Variants in CDCA8 observed in about 807,000 individuals in gnomAD.
The protein encoded by CDCA8 is cell division cycle associated 8.
CDCA8 carries 25 observed loss-of-function variants against 40.0 expected under a neutral mutation model. The ratio of observed to expected loss-of-function variants is 0.63; its 90% CI spans 0.46 to 0.87. CDCA8 has a LOEUF of 0.87. CDCA8 is among the 40% of genes least tolerant of loss of function. The probability of loss-of-function intolerance (pLI) is 0.00; values close to 1 mark genes in which losing one functional copy is unlikely to be tolerated. For synonymous variants in CDCA8, 111 were observed against 126.5 expected, an observed-to-expected ratio of 0.88 and a Z score of 0.82; for missense variants, 280 against 348.4, an observed-to-expected ratio of 0.80 and a Z score of 1.56.
chr1:37,702,037 CTTT>C (rs34220599), intron 6 of CDCA8, among the ~76,000 whole-genome samples: 8 of 119,028 alleles, frequency 6.7e-5, no homozygotes, highest in Admixed American at 1.8e-4. Context: ...TCCTTCCCCA[CTTT>C]TTTTTTTTTT....
intron 6 of CDCA8, among the ~76,000 whole-genome samples, chr1:37,702,037 C>CTTTTT (rs34220599): frequency 3.4e-5 from 4 of 119,036 alleles, no homozygotes; most frequent in Non-Finnish European, 5.0e-5. Flanking sequence ...TCCTTCCCCA[C>CTTTTT]TTTTTTTTTT....
intron 8 of CDCA8, 27 bp downstream of exon 8, chr1:37,705,594 C>A: frequency 6.2e-7 from 1 of 1,610,516 alleles, no homozygotes; most frequent in South Asian, 1.1e-5. Context: ...GGAAGCCAGG[C>A]CACAGTGTGC....
chr1:37,704,599 G>A (rs1645586196), intron 7 of CDCA8, among the ~76,000 whole-genome samples: 1 of 151,470 alleles, frequency 6.6e-6, no homozygotes, highest in Non-Finnish European at 1.5e-5. Context: ...CTGGTGTGGG[G>A]AAGTGTTGAA....
intron 7 of CDCA8, among the ~76,000 whole-genome samples, chr1:37,704,731 T>G (rs1182911320): frequency 7.9e-6 from 1 of 126,550 alleles, no homozygotes; most frequent in Admixed American, 1.0e-4. Flanking sequence ...CACTGCAACC[T>G]CCACCTCTCA....
intron 7 of CDCA8, among the ~76,000 whole-genome samples, chr1:37,703,973 A>T (rs188048718): frequency 6.6e-6 from 1 of 152,248 alleles, no homozygotes; most frequent in East Asian, 1.9e-4. Context: ...ATTTATTATG[A>T]GGCAGGGTCT....
At chr1:37,698,729 T>A (rs1028305290) in intron 3 of CDCA8, among the ~76,000 whole-genome samples, 176 bp from the exon 4 acceptor site, 1 of 151,478 alleles carries the variant, frequency 6.6e-6, no homozygotes, top group African/African-American at 2.4e-5. Flanking sequence ...TGGCAATGTT[T>A]TAGGTCTTGG....
chr1:37,692,845 A>G, intron 1 of CDCA8, 60 bp from the exon 2 acceptor site: 1 of 1,612,212 alleles, frequency 6.2e-7, no homozygotes, highest in East Asian at 2.2e-5. Context: ...GGGTGGGGAC[A>G]CGAGCTGCAC....
At chr1:37,699,606 GAAAGGAAAGGAAAGGA>G (rs1049576631) in intron 4 of CDCA8, among the ~76,000 whole-genome samples, 2 of 142,314 alleles carry the variant, frequency 1.4e-5, no homozygotes, top group Admixed American at 7.1e-5. Flanking sequence ...GAAAGGAAAG[GAAAGGAAAGGAAAGGA>G]AAAAAAAAGT....
chr1:37,699,777 G>A (rs531577294), intron 4 of CDCA8, among the ~76,000 whole-genome samples: 20 of 152,058 alleles, frequency 1.3e-4, no homozygotes, highest in African/African-American at 2.4e-4. Flanking sequence ...AAAATTAGCC[G>A]GGCGTGGTGG....
intron 3 of CDCA8, among the ~76,000 whole-genome samples, chr1:37,698,422 CA>C (rs1645541391): frequency 6.6e-6 from 1 of 152,200 alleles, no homozygotes; most frequent in South Asian, 2.1e-4. Context: ...TATATTCACA[CA>C]GTGGGATATG....
At chr1:37,692,822 G>T in intron 1 of CDCA8, 38 bp downstream of exon 1, 1 of 1,612,738 alleles carries the variant, frequency 6.2e-7, no homozygotes, top group South Asian at 1.1e-5. Context: ...TGGGGCGGTC[G>T]CGGGATGCTG....
rs181677175 is a variant in CDCA8, at chr1:37,692,582, C to A, written c.-109C>A. 3.6e-6 allele frequency: 3 copies of A among 826,494 alleles called. No individual in the cohort carries two copies. Among genetic ancestry groups the A allele is most frequent in the Admixed American group, 2.1e-5 (1 of 48,504 alleles). 51.2% of individuals were successfully genotyped at this position (826,494 alleles called of 1,614,324 possible). ...AGCCCTTGTCTCGGGACCGCAGGTA[C>A]GTGCCTGGCGACTTCTTCGGGTGGT... is the stretch of plus-strand genomic sequence containing the variant. On this transcript the variant is annotated 5_prime_UTR_variant, in exon 1 of 10. Coordinates refer to ENST00000373055, the MANE Select transcript of CDCA8 (RefSeq NM_001256875.2).
At chr1:37,702,037 CT>C (rs34220599) in intron 6 of CDCA8, among the ~76,000 whole-genome samples, 29,721 of 118,764 alleles carry the variant, frequency 0.25, 2,683 homozygotes, top group East Asian at 0.61. Flanking sequence ...TCCTTCCCCA[CT>C]TTTTTTTTTT....
chr1:37,701,433 T>C (rs1645562176), intron 5 of CDCA8, among the ~76,000 whole-genome samples: 1 of 152,170 alleles, frequency 6.6e-6, no homozygotes, highest in Non-Finnish European at 1.5e-5. Context: ...ATTGGGCACC[T>C]GGGACGCCCT....
intron 8 of CDCA8, among the ~76,000 whole-genome samples, chr1:37,706,774 C>G (rs1372603319): frequency 1.3e-5 from 2 of 152,212 alleles, no homozygotes; most frequent in African/African-American, 2.4e-5. Context: ...ATGTGCGTGC[C>G]TTTTGTGCCC....
At chr1:37,694,284 C>T (rs1645512045) in intron 2 of CDCA8, among the ~76,000 whole-genome samples, 1 of 152,218 alleles carries the variant, frequency 6.6e-6, no homozygotes, top group Admixed American at 6.5e-5. Context: ...ATTAACTATC[C>T]AGCATGTAGT....
chr1:37,698,992 A>G lies in CDCA8; in HGVS notation c.337+15A>G. On this transcript the variant is annotated intron_variant, in intron 4 of 9. Coordinates refer to ENST00000373055, the MANE Select transcript of CDCA8 (RefSeq NM_001256875.2). ...ATCTGCCAAAAGTGAGTACCTTTCAAAACTCCTTGTTGTACAGAAAGAACT... is the reference window on the plus strand; with the variant it reads ...ATCTGCCAAAAGTGAGTACCTTTCAGAACTCCTTGTTGTACAGAAAGAACT... 2 of 1,581,150 alleles carry G rather than the reference A, an allele frequency of 1.3e-6. No individual in the cohort carries two copies. The highest frequency in any genetic ancestry group is 1.7e-6 in the Non-Finnish European group (2 of 1,150,002).
At chr1:37,698,186 T>C (rs371880737) in intron 3 of CDCA8, among the ~76,000 whole-genome samples, 4 of 152,220 alleles carry the variant, frequency 2.6e-5, no homozygotes, top group African/African-American at 9.6e-5. Context: ...GGAACTTGTA[T>C]TGTTTGCAGA....
chr1:37,703,702 T>A (rs1645580307), intron 7 of CDCA8, among the ~76,000 whole-genome samples: 1 of 151,874 alleles, frequency 6.6e-6, no homozygotes, highest in South Asian at 2.1e-4. Flanking sequence ...GGCAACAGAG[T>A]GAGACTCTGT....
Sources: allele counts gnomAD v4.1 joint callset (sites outside exome capture counted in the v4.1 genomes callset), GRCh38; gene constraint gnomAD v4.1.1; transcripts MANE v1.5; gene names NCBI Gene and HGNC (gene_info 2026-07-23, HGNC 2026-07-21).